Variants in GREB1L observed in about 807,000 individuals in gnomAD.
The protein encoded by GREB1L is GREB1-like protein.
A neutral mutation model predicts 200.8 loss-of-function variants in GREB1L; 17 were observed. The ratio of observed to expected loss-of-function variants is 0.08; its 90% CI spans 0.06 to 0.13. The LOEUF is 0.13. Among genes scored for constraint, GREB1L ranks in the 10% least tolerant of loss-of-function variants. The probability of loss-of-function intolerance (pLI) is 1.00; values close to 1 mark genes in which losing one functional copy is unlikely to be tolerated. For synonymous variants in GREB1L, 789 were observed against 893.0 expected (o/e 0.88, Z 2.08); for missense variants, 1,657 against 2,367.7 (o/e 0.70, Z 6.23).
intron 1 of GREB1L, among the ~76,000 whole-genome samples, chr18:21,259,100 G>A (rs1315846883): frequency 6.6e-6 from 1 of 152,116 alleles, no homozygotes; most frequent in African/African-American, 2.4e-5. Context: ...TCTGTATGGT[G>A]TTTACCCTTG....
intron 23 of GREB1L, 114 bp from the exon 24 acceptor site, chr18:21,505,298 A>G: frequency 2.1e-6 from 2 of 937,022 alleles, no homozygotes; most frequent in South Asian, 3.3e-5. Context: ...CTCATTTTTC[A>G]GAAATGCCTT....
chr18:21,418,908 C>A (rs996968762), intron 7 of GREB1L, among the ~76,000 whole-genome samples: 4 of 152,144 alleles, frequency 2.6e-5, no homozygotes, highest in Admixed American at 2.6e-4. Context: ...CAGTCATGTA[C>A]CACATAATGA....
In GREB1L at chr18:21,304,696, A is replaced by T. The variant is rs568213084; in HGVS notation, c.-119-61331A>T. ...GCCTTACTAGCAGATTGAATGGAGG[A>T]TCTGTTTAGAGAAAGAAAAAATAAA... On this transcript the variant is annotated intron_variant, in intron 1 of 32. Transcript: ENST00000424526. 2.0e-5 allele frequency among the ~76,000 whole-genome samples: 3 copies of T among 151,946 alleles called. No homozygotes were observed. In the South Asian group the frequency reaches 6.2e-4, roughly 32 times the overall value.
At chr18:21,377,352 A>G (rs1296327776) in intron 2 of GREB1L, among the ~76,000 whole-genome samples, 2 of 152,196 alleles carry the variant, frequency 1.3e-5, no homozygotes, top group East Asian at 3.8e-4. Context: ...TGAAAATGGA[A>G]AAAAGTAGTA....
At chr18:21,473,584 AAAAG>A (rs767257217) in intron 16 of GREB1L, among the ~76,000 whole-genome samples, 4,165 of 105,414 alleles carry the variant, frequency 0.04, 152 homozygotes, top group East Asian at 0.14. Context: ...AAAAAAAAAA[AAAAG>A]AAAGAAAAGA....
chr18:21,306,815 T>C (rs1439230850), intron 1 of GREB1L, among the ~76,000 whole-genome samples: 1 of 152,238 alleles, frequency 6.6e-6, no homozygotes, highest in Non-Finnish European at 1.5e-5. Context: ...CATATGCCTA[T>C]GCTTAAGGGA....
chr18:21,484,994 T>G (rs1387667292), intron 17 of GREB1L, among the ~76,000 whole-genome samples: 2 of 152,180 alleles, frequency 1.3e-5, no homozygotes, highest in Non-Finnish European at 2.9e-5. Context: ...AGTTTAAGGA[T>G]AAGCAACTTG....
At chr18:21,299,795 G>T (rs1030534445) in intron 1 of GREB1L, among the ~76,000 whole-genome samples, 5 of 152,034 alleles carry the variant, frequency 3.3e-5, no homozygotes, top group Non-Finnish European at 7.4e-5. Context: ...AATTCAAAAG[G>T]CAGATATATT....
chr18:21,513,508 A>G (rs186894862), intron 27 of GREB1L, among the ~76,000 whole-genome samples: 4 of 152,320 alleles, frequency 2.6e-5, no homozygotes, highest in African/African-American at 9.6e-5. Flanking sequence ...TGTGAGGGAA[A>G]CTGGATTCTT....
At chr18:21,254,529 G>A (rs1247471035) in intron 1 of GREB1L, among the ~76,000 whole-genome samples, 2 of 151,986 alleles carry the variant, frequency 1.3e-5, no homozygotes, top group East Asian at 1.9e-4. Flanking sequence ...GGTGGGAAAC[G>A]CTTAAACATT....
At chr18:21,431,352 A>G (rs2033139513) in intron 7 of GREB1L, among the ~76,000 whole-genome samples, 1 of 152,148 alleles carries the variant, frequency 6.6e-6, no homozygotes, top group African/African-American at 2.4e-5. Context: ...AAAGTTGTAT[A>G]CAATTTCCTT....
At chr18:21,437,823 C>G (rs1412728275) in intron 7 of GREB1L, among the ~76,000 whole-genome samples, 5 of 152,020 alleles carry the variant, frequency 3.3e-5, no homozygotes, top group Non-Finnish European at 4.4e-5. Context: ...TTTGAACAAG[C>G]CAACTGTTTT....
chr18:21,278,518 G>A (rs1365572396), intron 1 of GREB1L, among the ~76,000 whole-genome samples: 1 of 151,862 alleles, frequency 6.6e-6, no homozygotes, highest in Non-Finnish European at 1.5e-5. Context: ...CTTTTGCTTC[G>A]TACCTGAATT....
chr18:21,307,824 G>A (rs1488316985), intron 1 of GREB1L, among the ~76,000 whole-genome samples: 5 of 152,056 alleles, frequency 3.3e-5, no homozygotes, highest in Admixed American at 6.5e-5. Flanking sequence ...TGGGCTGCCC[G>A]TGCCCCTCGA....
intron 7 of GREB1L, among the ~76,000 whole-genome samples, chr18:21,429,211 C>G (rs1706575057): frequency 1.2e-5 from 1 of 85,188 alleles, no homozygotes; most frequent in Non-Finnish European, 2.4e-5. Flanking sequence ...CCCCTCCGCT[C>G]CCCTCCCCTC....
chr18:21,273,526 A>G (rs537934857), intron 1 of GREB1L, among the ~76,000 whole-genome samples: 44 of 152,322 alleles, frequency 2.9e-4, no homozygotes, highest in Admixed American at 2.1e-3. Context: ...GTGAGTTCCT[A>G]CGCAAACAGA....
At chr18:21,375,449 ATATCT>A (rs2040034826) in intron 2 of GREB1L, among the ~76,000 whole-genome samples, 1 of 152,188 alleles carries the variant, frequency 6.6e-6, no homozygotes, top group South Asian at 2.1e-4. Context: ...TCTTAGGCTC[ATATCT>A]TAAGTTAAAA....
intron 15 of GREB1L, among the ~76,000 whole-genome samples, chr18:21,455,637 A>G (rs1168166231): frequency 1.3e-5 from 2 of 151,658 alleles, no homozygotes; most frequent in Admixed American, 6.6e-5. Flanking sequence ...GAACCAAGAC[A>G]CTGCAGTCCA....
chr18:21,487,100 G>A (rs2036157007), intron 18 of GREB1L, among the ~76,000 whole-genome samples: 1 of 152,202 alleles, frequency 6.6e-6, no homozygotes, highest in African/African-American at 2.4e-5. Flanking sequence ...AGCACATGTA[G>A]TCTTAATTTT....
Sources: allele counts gnomAD v4.1 joint callset (sites outside exome capture counted in the v4.1 genomes callset), GRCh38; gene constraint gnomAD v4.1.1; transcripts MANE v1.5; gene names NCBI Gene and HGNC (gene_info 2026-07-23, HGNC 2026-07-21).